Variants in ALDH18A1 observed in about 807,000 individuals in gnomAD.
ALDH18A1 encodes the protein aldehyde dehydrogenase 18 family member A1, also known as delta-1-pyrroline-5-carboxylate synthase.
In ALDH18A1, 44 loss-of-function variants were observed where a neutral mutation model predicts 88.8. The observed-to-expected ratio is 0.50, with a 90% CI of 0.39 to 0.64. The LOEUF (loss-of-function observed/expected upper bound fraction) is 0.64, where lower values mean the gene tolerates loss of function less well. ALDH18A1 is among the 30% of genes least tolerant of loss of function. The pLI is 0.00. For missense variants in ALDH18A1, 782 were observed against 1,009.5 expected (o/e 0.77, Z 3.05); for synonymous variants, 331 against 372.1 (o/e 0.89, Z 1.27).
At chr10:95,654,312 G>A (rs1232294131) in intron 1 of ALDH18A1, among the ~76,000 whole-genome samples, 2 of 151,768 alleles carry the variant, frequency 1.3e-5, no homozygotes, top group Non-Finnish European at 2.9e-5. Context: ...CTACAGGCAC[G>A]CGCTACCATG....
intron 12 of ALDH18A1, among the ~76,000 whole-genome samples, chr10:95,616,864 T>A (rs533763663): frequency 6.6e-6 from 1 of 152,198 alleles, no homozygotes; most frequent in Non-Finnish European, 1.5e-5. Flanking sequence ...ATAACAGGGA[T>A]GGGAGCCAGA....
intron 3 of ALDH18A1, among the ~76,000 whole-genome samples, chr10:95,639,589 TTA>T (rs1308716043): frequency 1.3e-5 from 2 of 151,320 alleles, no homozygotes; most frequent in African/African-American, 4.8e-5. Context: ...TAATATATAA[TTA>T]TATGTCTTTC....
Position 95,625,391 on chromosome 10 carries a change from G to A in ALDH18A1, c.1217C>T (p.Ala406Val), listed in dbSNP as rs755190719. 6.2e-7 allele frequency: 1 copy of A among 1,613,558 alleles called. No individual in the cohort carries two copies. The highest frequency in any genetic ancestry group is 8.5e-7 in the Non-Finnish European group (1 of 1,179,928). Residue 406 changes from alanine to valine, a missense_variant, in exon 11 of 18, where the codon GCC becomes GTC. By Grantham distance (64) the Ala-to-Val change is moderately conservative. Coordinates refer to ENST00000371224, the MANE Select transcript of ALDH18A1 (RefSeq NM_002860.4). ...TGCCTCCTCCAAGTCTTTTTTGTTGGCTAACAGGATCTCATCACGCTGGTC... is the reference window on the plus strand; with the variant it reads ...TGCCTCCTCCAAGTCTTTTTTGTTGACTAACAGGATCTCATCACGCTGGTC... ...LTDQRDEILL[A>V]NKKDLEEAEG...
At chr10:95,643,233 A>G in intron 2 of ALDH18A1, 27 bp from the exon 3 acceptor site, 1 of 1,606,790 alleles carries the variant, frequency 6.2e-7, no homozygotes, top group Non-Finnish European at 8.5e-7. Flanking sequence ...CAAATGCAAG[A>G]AAAAAAGAAA....
intron 7 of ALDH18A1, 137 bp from the exon 8 acceptor site, chr10:95,628,629 GAA>G: frequency 9.7e-7 from 1 of 1,027,936 alleles, no homozygotes; most frequent in South Asian, 1.4e-5. Flanking sequence ...GCTTTAACCA[GAA>G]AAAGAGAACA....
chr10:95,611,793 T>A (rs543201903), intron 15 of ALDH18A1, among the ~76,000 whole-genome samples: 33 of 151,996 alleles, frequency 2.2e-4, no homozygotes, highest in African/African-American at 7.5e-4. Flanking sequence ...GCCAACATGG[T>A]GAAACCCCGT....
chr10:95,609,506 A>G (rs2097829145), intron 17 of ALDH18A1, among the ~76,000 whole-genome samples: 1 of 152,206 alleles, frequency 6.6e-6, no homozygotes, highest in Non-Finnish European at 1.5e-5. Flanking sequence ...CAGCCTGTGT[A>G]AAAAGGCAGG....
Position 95,647,234 on chromosome 10 carries a change from T to C in ALDH18A1, c.89-4028A>G, listed in dbSNP as rs538806852. ...AATACTGAAGTGAACACTTACTATATACCAGGAGTTGTGCTAAGTATTCAT... is the reference window on the plus strand; with the variant it reads ...AATACTGAAGTGAACACTTACTATACACCAGGAGTTGTGCTAAGTATTCAT... On this transcript the variant is annotated intron_variant, in intron 2 of 17. Transcript: ENST00000371224. 5.9e-5 allele frequency among the ~76,000 whole-genome samples: 9 copies of C among 152,306 alleles called. No individual in the cohort carries two copies. The East Asian group carries it at 1.7e-3, about 29-fold the overall frequency.
At chr10:95,656,290 TG>T (rs2097917949) in intron 1 of ALDH18A1, among the ~76,000 whole-genome samples, 1 of 152,084 alleles carries the variant, frequency 6.6e-6, no homozygotes, top group Non-Finnish European at 1.5e-5. Context: ...GTTCCTTACA[TG>T]GTGTACCCAG....
chr10:95,649,706 C>G (rs910674221), intron 2 of ALDH18A1, among the ~76,000 whole-genome samples: 1 of 152,076 alleles, frequency 6.6e-6, no homozygotes, highest in South Asian at 2.1e-4. Context: ...CATGGCAAAA[C>G]CCTGTCTCAA....
chr10:95,639,161 A>G (rs2097886623), intron 3 of ALDH18A1, among the ~76,000 whole-genome samples: 1 of 151,930 alleles, frequency 6.6e-6, no homozygotes, highest in Non-Finnish European at 1.5e-5. Context: ...GTAAGACCCC[A>G]TATCTATGAA....
intron 13 of ALDH18A1, among the ~76,000 whole-genome samples, 175 bp downstream of exon 13, chr10:95,616,302 A>G (rs1170849911): frequency 6.6e-6 from 1 of 152,266 alleles, no homozygotes; most frequent in Non-Finnish European, 1.5e-5. Flanking sequence ...TAAGCCACTG[A>G]GGACCCATCT....
chr10:95,607,269 T>C (rs1314310229), intron 17 of ALDH18A1, among the ~76,000 whole-genome samples: 2 of 152,240 alleles, frequency 1.3e-5, no homozygotes, highest in African/African-American at 4.8e-5. Context: ...TTTTGACATT[T>C]GGGCATGTTT....
chr10:95,633,392 T>C (rs2097874343), intron 6 of ALDH18A1, 99 bp downstream of exon 6: 3 of 1,469,996 alleles, frequency 2.0e-6, no homozygotes, highest in Non-Finnish European at 2.8e-6. Flanking sequence ...CTCACAACTT[T>C]TCCATCTTGT....
intron 12 of ALDH18A1, 134 bp downstream of exon 12, chr10:95,620,897 A>G: frequency 2.3e-6 from 2 of 870,546 alleles, no homozygotes; most frequent in East Asian, 5.3e-5. Flanking sequence ...TATGTAACAA[A>G]CCTGCACGTT....
At chr10:95,641,856 G>C (rs766158656) in intron 3 of ALDH18A1, among the ~76,000 whole-genome samples, 9 of 151,732 alleles carry the variant, frequency 5.9e-5, no homozygotes, top group Non-Finnish European at 8.8e-5. Context: ...GGCTTAGGCT[G>C]GTCTCGAACT....
At chr10:95,655,300 A>G (rs2097916212) in intron 1 of ALDH18A1, among the ~76,000 whole-genome samples, 1 of 152,194 alleles carries the variant, frequency 6.6e-6, no homozygotes, top group Admixed American at 6.5e-5. Context: ...GTGAGAATTA[A>G]AAGAGAGAAT....
chr10:95,628,817 T>C (rs956622492), intron 7 of ALDH18A1: 7 of 372,818 alleles, frequency 1.9e-5, no homozygotes, highest in East Asian at 1.3e-4. Flanking sequence ...TTGCTACTTA[T>C]GATGCTGTGC....
At chr10:95,613,635 TA>T (rs1461803824) in intron 15 of ALDH18A1, 106 bp downstream of exon 15, 4 of 1,437,526 alleles carry the variant, frequency 2.8e-6, no homozygotes, top group African/African-American at 1.4e-5. Context: ...CAGAAGATAT[TA>T]AAAAATATTG....
Sources: allele counts gnomAD v4.1 joint callset (sites outside exome capture counted in the v4.1 genomes callset), GRCh38; gene constraint gnomAD v4.1.1; transcripts MANE v1.5; gene names NCBI Gene and HGNC (gene_info 2026-07-23, HGNC 2026-07-21).